The following NRG2 variants were observed in gnomAD, a reference collection of about 807,000 sequenced individuals.
NRG2 encodes pro-neuregulin-2, membrane-bound isoform.
A neutral mutation model predicts 73.9 loss-of-function variants in NRG2; 27 were observed. That is an observed-to-expected ratio of 0.37 (90% confidence interval 0.27 to 0.50). NRG2 has a LOEUF of 0.50. Ranked by LOEUF, NRG2 falls within the 20% of genes least tolerant of loss-of-function variation. The pLI is 0.96. For missense variants in NRG2, 1,126 were observed against 1,210.1 expected (o/e 0.93, Z 1.03); for synonymous variants, 532 against 541.0 (o/e 0.98, Z 0.23).
intron 3 of NRG2, among the ~76,000 whole-genome samples, chr5:139,874,408 A>G (rs1470540427): frequency 6.6e-6 from 1 of 152,104 alleles, no homozygotes; most frequent in East Asian, 1.9e-4. Flanking sequence ...TCCGTGACCA[A>G]ATGGCACAAA....
At chr5:139,987,565 G>A (rs770149282) in intron 1 of NRG2, among the ~76,000 whole-genome samples, 2 of 151,980 alleles carry the variant, frequency 1.3e-5, no homozygotes, top group Non-Finnish European at 2.9e-5. Flanking sequence ...AAATTCACTA[G>A]ACAGATCTAC....
At chr5:139,960,235 C>T (rs1754955212) in intron 1 of NRG2, among the ~76,000 whole-genome samples, 1 of 152,200 alleles carries the variant, frequency 6.6e-6, no homozygotes, top group African/African-American at 2.4e-5. Flanking sequence ...TGGCATCGGG[C>T]CAGGCCCAGT....
rs1438996978 is a variant in NRG2, at chr5:139,848,233, G to C, written c.2237C>G (p.Ser746Trp). Residue 746 changes from serine to tryptophan, a missense_variant, in exon 10 of 10, where the codon TCG (serine) becomes TGG (tryptophan). This residue lies in a region of NRG2 where 402 missense variants were observed against 357.8 expected (regional missense o/e 1.12). Transcript: ENST00000361474. ...TSAGPRRWRR[S>W]RLNGLAAQRA... ...CTGCGCCGCCAGCCCGTTGAGGCGC[G>C]AGCGGCGCCAGCGCCGGGGCCCCGC... 2 of 1,167,938 alleles carry C rather than the reference G, an allele frequency of 1.7e-6. No homozygotes were observed. Among genetic ancestry groups the C allele is most frequent in the Admixed American group, 9.5e-5 (2 of 21,158 alleles). The allele number at this position is 1,167,938 out of a possible 1,614,324, so 72.3% of individuals were successfully genotyped here. A position where few individuals can be genotyped will look rare whatever the true frequency, so the allele number is the denominator to read the frequency against.
rs748985660 is a variant in NRG2, at chr5:139,880,866, G to A, written c.981C>T (p.Tyr327=). Residue 327 remains tyrosine (Y), a synonymous_variant, in exon 3 of 10, where the codon TAC becomes TAT. Coordinates refer to ENST00000361474, the MANE Select transcript of NRG2 (RefSeq NM_004883.3). The stretch of plus-strand genomic sequence containing the variant: ...TCTGGGCCCACCTACCGCTGTTGAC[G>A]TAAAGCCGGCCCCGGACGGTGTCCT... ...LGKDTVRGRL[Y]VNSVSTTLSS... is the part of the protein sequence containing the mutation. The A allele has an allele frequency of 1.5e-5, 25 of 1,613,738 alleles. No individual in the cohort carries two copies. Among genetic ancestry groups the A allele is most frequent in the East Asian group, 6.7e-5 (3 of 44,884 alleles).
chr5:139,863,070 C>T lies in NRG2; in HGVS notation c.1189+2479G>A, dbSNP rs1005696666. Reference sequence around the variant, plus strand: ...CTGGGAGAGGTACTAAATTGTGCTCCAATCACAATGGCAGGCTCTCTGCTA... The same window carrying T: ...CTGGGAGAGGTACTAAATTGTGCTCTAATCACAATGGCAGGCTCTCTGCTA... On this transcript the variant is annotated intron_variant, in intron 5 of 9. Coordinates refer to ENST00000361474, the MANE Select transcript of NRG2 (RefSeq NM_004883.3). Among the ~76,000 whole-genome samples, 6 of 152,184 alleles carry T rather than the reference C, an allele frequency of 3.9e-5. No homozygotes were observed. In the East Asian group the frequency reaches 7.7e-4, roughly 20 times the overall value.
intron 1 of NRG2, among the ~76,000 whole-genome samples, chr5:139,940,645 A>G (rs116553747): frequency 2.6e-5 from 4 of 152,238 alleles, no homozygotes; most frequent in Admixed American, 6.5e-5. Flanking sequence ...ATATGTATAC[A>G]GTATACTATC....
chr5:140,013,698 A>C (rs1326457658), intron 1 of NRG2, among the ~76,000 whole-genome samples: 1 of 152,178 alleles, frequency 6.6e-6, no homozygotes, highest in African/African-American at 2.4e-5. Context: ...ATGAAGCTTT[A>C]ACCCCCACTA....
At chr5:139,928,290 G>T (rs1168621560) in intron 1 of NRG2, among the ~76,000 whole-genome samples, 1 of 152,144 alleles carries the variant, frequency 6.6e-6, no homozygotes, top group Non-Finnish European at 1.5e-5. Context: ...TTCTCAGGAG[G>T]TCCATTTTTT....
intron 1 of NRG2, among the ~76,000 whole-genome samples, chr5:140,000,669 T>A (rs1400100236): frequency 1.3e-5 from 2 of 152,158 alleles, no homozygotes; most frequent in Non-Finnish European, 2.9e-5. Flanking sequence ...CTCTGTCGGC[T>A]CTCTTCGGAG....
intron 1 of NRG2, among the ~76,000 whole-genome samples, chr5:139,964,977 T>C (rs560647750): frequency 6.6e-6 from 1 of 152,346 alleles, no homozygotes; most frequent in East Asian, 1.9e-4. Flanking sequence ...GGGGCTGGCT[T>C]TCACTCTCCC....
In NRG2 at chr5:139,847,826, T is replaced by G. The variant is rs1761086735; in HGVS notation, c.*91A>C. ...TTTATAGAAAATAAAAATATTTTTA[T>G]TTCTTTTTTCCTCCTTTCTCTCCAG... is the stretch of plus-strand genomic sequence containing the variant. On this transcript the variant is annotated 3_prime_UTR_variant, in exon 10 of 10. Transcript: ENST00000361474. 1.3e-6 allele frequency: 1 copy of G among 759,840 alleles called. No homozygotes were observed. Among genetic ancestry groups the G allele is most frequent in the South Asian group, 4.3e-5 (1 of 23,138 alleles). The allele number at this position is 759,840 out of a possible 1,614,324, so 47.1% of individuals were successfully genotyped here.
intron 1 of NRG2, among the ~76,000 whole-genome samples, chr5:139,891,447 G>T (rs1764207150): frequency 6.6e-6 from 1 of 152,178 alleles, no homozygotes; most frequent in African/African-American, 2.4e-5. Context: ...TTTCTGGATA[G>T]TCCACTCACT....
intron 1 of NRG2, among the ~76,000 whole-genome samples, chr5:139,911,288 G>A (rs558832761): frequency 2.0e-4 from 30 of 152,226 alleles, no homozygotes; most frequent in African/African-American, 7.2e-4. Context: ...TCTAGAAAAT[G>A]TGAGGTTGGA....
intron 1 of NRG2, among the ~76,000 whole-genome samples, chr5:139,919,462 C>T (rs1751503086): frequency 1.3e-5 from 2 of 151,966 alleles, no homozygotes; most frequent in African/African-American, 4.8e-5. Context: ...ACATCTTAGC[C>T]CTCATGGGAT....
At chr5:140,013,285 CT>C (rs2126648870) in intron 1 of NRG2, among the ~76,000 whole-genome samples, 1 of 152,314 alleles carries the variant, frequency 6.6e-6, no homozygotes, top group Non-Finnish European at 1.5e-5. Flanking sequence ...CACTCTTCTA[CT>C]CTAAGAAAGC....
intron 1 of NRG2, among the ~76,000 whole-genome samples, chr5:139,938,350 C>T (rs1753000995): frequency 1.3e-5 from 2 of 150,106 alleles, no homozygotes; most frequent in Non-Finnish European, 3.0e-5. Flanking sequence ...CTTACACTAC[C>T]TGATTTCAAT....
chr5:139,934,505 AAATGTAAAACT>A (rs956228335), intron 1 of NRG2, among the ~76,000 whole-genome samples: 1 of 152,210 alleles, frequency 6.6e-6, no homozygotes, highest in African/African-American at 2.4e-5. Flanking sequence ...AACAAAGCAA[AAATGTAAAACT>A]AACGAGCCAG....
In NRG2 at chr5:139,848,105, C is replaced by A; in HGVS notation, c.2365G>T (p.Ala789Ser). The A allele has an allele frequency of 1.4e-6, 2 of 1,478,224 alleles. No individual in the cohort carries two copies. Among genetic ancestry groups the A allele is most frequent in the Non-Finnish European group, 1.8e-6 (2 of 1,122,180 alleles). The allele number at this position is 1,478,224 out of a possible 1,614,324, so 91.6% of individuals were successfully genotyped here. The change falls in exon 10 of 10, where the codon GCG (alanine) becomes TCG (serine). Residue 789 changes from alanine to serine, a missense_variant. Ala to Ser is a moderately conservative substitution (Grantham distance 99). Coordinates refer to ENST00000361474, the MANE Select transcript of NRG2 (RefSeq NM_004883.3). ...DDADDADGAL[A>S]AESTPFLGLR... is the part of the protein sequence containing the mutation. Reference sequence around the variant, plus strand: ...CCCAGGAAAGGTGTGCTCTCGGCCGCCAGCGCCCCGTCCGCGTCGTCCGCG... The same window carrying A: ...CCCAGGAAAGGTGTGCTCTCGGCCGACAGCGCCCCGTCCGCGTCGTCCGCG...
intron 1 of NRG2, among the ~76,000 whole-genome samples, chr5:139,888,365 A>G (rs923748525): frequency 1.3e-5 from 2 of 152,232 alleles, no homozygotes; most frequent in Non-Finnish European, 2.9e-5. Context: ...ATAGCCAGGC[A>G]GCCACAGAGC....
Sources: allele counts gnomAD v4.1 joint callset (sites outside exome capture counted in the v4.1 genomes callset), GRCh38; gene constraint gnomAD v4.1.1; regional missense constraint gnomAD v4.1.1; transcripts MANE v1.5; gene names NCBI Gene and HGNC (gene_info 2026-07-23, HGNC 2026-07-21).